THEMIS: variants seen among roughly 807,000 people sequenced by gnomAD.
The protein encoded by THEMIS is thymocyte selection associated, also known as protein THEMIS.
THEMIS carries 37 observed loss-of-function variants against 52.6 expected under a neutral mutation model. The observed-to-expected ratio is 0.70, with a 90% CI of 0.54 to 0.93. The LOEUF is 0.93. Among genes scored for constraint, THEMIS ranks in the 40% least tolerant of loss-of-function variants. THEMIS has a pLI of 0.00. For missense variants in THEMIS, 808 were observed against 763.1 expected (o/e 1.06, Z -0.69); for synonymous variants, 292 against 272.7 (o/e 1.07, Z -0.70).
At chr6:127,757,210 T>C (rs974506738) in intron 4 of THEMIS, among the ~76,000 whole-genome samples, 2 of 152,218 alleles carry the variant, frequency 1.3e-5, no homozygotes, top group African/African-American at 2.4e-5. Flanking sequence ...TTAGTCACCA[T>C]CTACAGCGTA....
At chr6:127,848,688 T>C (rs1371929341) in intron 2 of THEMIS, among the ~76,000 whole-genome samples, 1 of 152,166 alleles carries the variant, frequency 6.6e-6, no homozygotes. Flanking sequence ...ATGATGAACA[T>C]TTTTTCACAT....
intron 4 of THEMIS, among the ~76,000 whole-genome samples, chr6:127,760,455 G>T (rs1223610819): frequency 6.6e-6 from 1 of 152,006 alleles, no homozygotes; most frequent in African/African-American, 2.4e-5. Context: ...CATTAAATCT[G>T]TATTTCATTT....
downstream of THEMIS, among the ~76,000 whole-genome samples, chr6:127,705,376 G>A (rs1459422686): frequency 2.0e-5 from 3 of 152,182 alleles, no homozygotes; most frequent in Non-Finnish European, 4.4e-5. Flanking sequence ...AGATATTACT[G>A]TAAGTCATGG....
chr6:127,852,103 C>T (rs1377288978), intron 2 of THEMIS, among the ~76,000 whole-genome samples: 7 of 151,380 alleles, frequency 4.6e-5, no homozygotes. Context: ...TATACTAATA[C>T]CAGACAAAAT....
intron 1 of THEMIS, among the ~76,000 whole-genome samples, chr6:127,892,961 T>C (rs1477318677): frequency 6.6e-6 from 1 of 152,174 alleles, no homozygotes; most frequent in Non-Finnish European, 1.5e-5. Flanking sequence ...TTCACTTTTG[T>C]TTATTGTTAT....
At chr6:127,854,373 A>G (rs1406048792) in intron 2 of THEMIS, among the ~76,000 whole-genome samples, 1 of 151,840 alleles carries the variant, frequency 6.6e-6, no homozygotes, top group Non-Finnish European at 1.5e-5. Flanking sequence ...TCTTTATAGA[A>G]AAAGTCTGCC....
At chr6:127,751,021 C>A (rs1043275337) in intron 4 of THEMIS, among the ~76,000 whole-genome samples, 12 of 151,678 alleles carry the variant, frequency 7.9e-5, no homozygotes, top group Non-Finnish European at 1.8e-4. Context: ...GAAAATATGA[C>A]AGTATTAAAC....
intron 4 of THEMIS, among the ~76,000 whole-genome samples, chr6:127,790,682 C>T (rs1325737428): frequency 2.0e-5 from 3 of 152,282 alleles, no homozygotes; most frequent in Admixed American, 6.5e-5. Context: ...TGTGCCCACT[C>T]GGCCTGGCAG....
At chr6:127,770,956 C>A (rs1776364318) in intron 4 of THEMIS, among the ~76,000 whole-genome samples, 1 of 151,974 alleles carries the variant, frequency 6.6e-6, no homozygotes, top group African/African-American at 2.4e-5. Context: ...AAAGGGTATT[C>A]AATTAGGAAA....
chr6:127,840,310 T>C (rs578145655), intron 2 of THEMIS, among the ~76,000 whole-genome samples: 1 of 152,238 alleles, frequency 6.6e-6, no homozygotes, highest in East Asian at 1.9e-4. Context: ...GGAATATGCA[T>C]GTGAGGGACT....
At chr6:127,788,581 TG>T (rs1234311538) in intron 4 of THEMIS, among the ~76,000 whole-genome samples, 12 of 152,218 alleles carry the variant, frequency 7.9e-5, no homozygotes, top group Non-Finnish European at 1.5e-5. Flanking sequence ...GGTACTCAAT[TG>T]TATTTTCAGA....
intron 1 of THEMIS, among the ~76,000 whole-genome samples, chr6:127,915,586 A>AAGAG (rs34353449): frequency 0.096 from 13,490 of 140,102 alleles, 807 homozygotes; most frequent in Middle Eastern, 0.17. Flanking sequence ...GTCAGAGAGA[A>AAGAG]AGAGAGAGAG....
chr6:127,840,471 A>C (rs1346621230), intron 2 of THEMIS, among the ~76,000 whole-genome samples: 1 of 152,158 alleles, frequency 6.6e-6, no homozygotes, highest in Admixed American at 6.6e-5. Context: ...AAATGTATCT[A>C]ATATTAATGC....
At chr6:127,905,503 T>A (rs912446028), upstream of THEMIS, among the ~76,000 whole-genome samples, 1 of 152,020 alleles carries the variant, frequency 6.6e-6, no homozygotes, top group African/African-American at 2.4e-5. Context: ...TAAAGGGTGT[T>A]CTGCAGGCGA....
chr6:127,916,497 C>G (rs189803322), intron 1 of THEMIS, among the ~76,000 whole-genome samples: 12 of 152,276 alleles, frequency 7.9e-5, no homozygotes, highest in Non-Finnish European at 1.5e-4. Flanking sequence ...ATGGTTGACA[C>G]AGAGGTCCTT....
chr6:127,844,080 A>G (rs1431104056), intron 2 of THEMIS, among the ~76,000 whole-genome samples: 2 of 152,012 alleles, frequency 1.3e-5, no homozygotes, highest in East Asian at 3.9e-4. Flanking sequence ...CTATGCAGAT[A>G]TATGTAAGTA....
downstream of THEMIS, among the ~76,000 whole-genome samples, chr6:127,707,610 C>A (rs1408087970): frequency 6.6e-6 from 1 of 152,100 alleles, no homozygotes; most frequent in Non-Finnish European, 1.5e-5. Flanking sequence ...ATGGTAAAAT[C>A]AAAAGAATAT....
chr6:127,711,643 T>C (rs1358334769), intron 5 of THEMIS, among the ~76,000 whole-genome samples: 1 of 151,996 alleles, frequency 6.6e-6, no homozygotes, highest in East Asian at 1.9e-4. Flanking sequence ...AATAAAACCA[T>C]ATACTGTAGA....
chr6:127,902,974 T>A (rs1467680697), upstream of THEMIS, among the ~76,000 whole-genome samples: 1 of 152,060 alleles, frequency 6.6e-6, no homozygotes, highest in Non-Finnish European at 1.5e-5. Context: ...ATCACCAATC[T>A]CTTACAATTA....
Sources: gnomAD v4.1 joint callset for allele counts (sites outside exome capture counted in the v4.1 genomes callset) on GRCh38, gnomAD v4.1.1 for gene constraint, MANE v1.5 for transcripts, NCBI Gene and HGNC (gene_info 2026-07-23, HGNC 2026-07-21) for gene names.